The following APBA2 variants were observed in gnomAD, a reference collection of about 807,000 sequenced individuals.
APBA2 encodes the protein amyloid-beta A4 precursor protein-binding family A member 2.
In APBA2, 30 loss-of-function variants were observed where a neutral mutation model predicts 75.0. The ratio of observed to expected loss-of-function variants is 0.40; its 90% CI spans 0.30 to 0.54. APBA2 has a LOEUF of 0.54. Ranked by LOEUF, APBA2 falls within the 20% of genes least tolerant of loss-of-function variation. APBA2 has a pLI of 0.49. For synonymous variants in APBA2, 444 were observed against 409.6 expected (o/e 1.08, Z -1.01); for missense variants, 801 against 1,016.1 (o/e 0.79, Z 2.88).
At chr15:28,987,729 G>GATATATAT (rs146348050) in intron 2 of APBA2, among the ~76,000 whole-genome samples, 6 of 106,242 alleles carry the variant, frequency 5.6e-5, no homozygotes, top group East Asian at 4.0e-4. Context: ...TGTGGAGAGA[G>GATATATAT]ATATATATAT....
In APBA2 at chr15:28,918,496, A is replaced by T. The variant is rs530367629; in HGVS notation, c.-204-3144A>T. On this transcript the variant is annotated intron_variant, in intron 1 of 14. Transcript: ENST00000683413. This position sits in a 1 kb window ranked among gnomAD's most constrained non-coding sequence, Gnocchi z 4.2. ...TGAAGCAGATGGCTTCCCCCACTGC[A>T]AGGAGGAATCCCGGTGCTCTTCTCC... Among the ~76,000 whole-genome samples the T allele has an allele frequency of 6.6e-6, 1 of 152,304 alleles. No individual in the cohort carries two copies. The highest frequency in any genetic ancestry group is 2.1e-4 in the South Asian group (1 of 4,832).
At chr15:29,017,861 T>G (rs570778945) in intron 3 of APBA2, among the ~76,000 whole-genome samples, 6 of 152,350 alleles carry the variant, frequency 3.9e-5, no homozygotes, top group Non-Finnish European at 7.3e-5. Context: ...TTAAAGGTAT[T>G]AATTTGTTAT....
intron 3 of APBA2, among the ~76,000 whole-genome samples, chr15:29,003,319 C>G (rs2038947703): frequency 6.6e-6 from 1 of 152,144 alleles, no homozygotes; most frequent in Non-Finnish European, 1.5e-5. Context: ...TAAGATGAGT[C>G]AAATCTACCC....
intron 3 of APBA2, among the ~76,000 whole-genome samples, chr15:29,027,907 C>G (rs1295606197): frequency 6.6e-6 from 1 of 151,766 alleles, no homozygotes; most frequent in Non-Finnish European, 1.5e-5. Context: ...CCGGCCTAGT[C>G]TTATATTTTT....
intron 2 of APBA2, among the ~76,000 whole-genome samples, chr15:28,959,590 G>A (rs371182274): frequency 3.9e-5 from 6 of 152,138 alleles, no homozygotes; most frequent in African/African-American, 9.7e-5. Flanking sequence ...ACTTCCAGTC[G>A]CCAGAACTGG....
At chr15:28,922,423 C>T (rs72714168) in intron 2 of APBA2, among the ~76,000 whole-genome samples, 14,584 of 152,218 alleles carry the variant, frequency 0.096, 751 homozygotes, top group African/African-American at 0.13. Context: ...GACATGTTCT[C>T]GAGCTGCCTG....
chr15:28,925,350 C>A (rs1243809961), intron 2 of APBA2, among the ~76,000 whole-genome samples: 3 of 151,984 alleles, frequency 2.0e-5, no homozygotes, highest in Non-Finnish European at 4.4e-5. Context: ...CTTATAATTT[C>A]TTTGGTTTTG....
intron 1 of APBA2, among the ~76,000 whole-genome samples, chr15:28,908,956 C>T (rs140365848): frequency 0.05 from 7,582 of 151,808 alleles, 377 homozygotes; most frequent in East Asian, 0.3. Context: ...TTCCACCTCC[C>T]CCAGCCCCCG....
At chr15:29,007,979 G>A (rs1488720399) in intron 3 of APBA2, among the ~76,000 whole-genome samples, 1 of 152,208 alleles carries the variant, frequency 6.6e-6, no homozygotes, top group Non-Finnish European at 1.5e-5. Context: ...AGCAACCCAG[G>A]AGTCCATTGG....
chr15:29,045,087 C>CTT (rs2041247164), intron 3 of APBA2, among the ~76,000 whole-genome samples: 2 of 142,860 alleles, frequency 1.4e-5, no homozygotes, highest in African/African-American at 5.6e-5. Context: ...CTCTCTCTCT[C>CTT]TCTCTCTCTC....
At chr15:28,931,482 T>G (rs1479100672) in intron 2 of APBA2, among the ~76,000 whole-genome samples, 13 of 152,326 alleles carry the variant, frequency 8.5e-5, no homozygotes, top group Non-Finnish European at 1.8e-4. Context: ...CTTGCGTCCT[T>G]CTCCCCTGTT....
rs2035051358 is a variant in APBA2 at position 28,939,247 on chromosome 15, A to G, written c.-95+17498A>G. ...TGCGGGAATATGCCACATTTTGTTG[A>G]TCTGTTCTTCTGCTGCTGGACACGT... is the stretch of plus-strand genomic sequence containing the variant. On this transcript the variant is annotated intron_variant, in intron 2 of 14. Coordinates refer to ENST00000683413, the MANE Select transcript of APBA2 (RefSeq NM_001353788.2). Among the ~76,000 whole-genome samples the G allele has an allele frequency of 2.6e-5, 4 of 152,124 alleles. No individual in the cohort carries two copies. In the South Asian group the frequency reaches 8.3e-4, roughly 32 times the overall value.
At chr15:28,986,937 T>G (rs2037957949) in intron 2 of APBA2, among the ~76,000 whole-genome samples, 1 of 152,242 alleles carries the variant, frequency 6.6e-6, no homozygotes, top group Admixed American at 6.5e-5. Context: ...ATTTGCTGTC[T>G]GGTGAGGGCT....
At chr15:29,111,254 C>T (rs1418562784) in intron 13 of APBA2, among the ~76,000 whole-genome samples, 3 of 152,066 alleles carry the variant, frequency 2.0e-5, no homozygotes, top group East Asian at 1.9e-4. Flanking sequence ...CGACTGGGGA[C>T]GAGGAGGGTC....
At chr15:28,949,190 C>G (rs2035716456) in intron 2 of APBA2, among the ~76,000 whole-genome samples, 1 of 152,068 alleles carries the variant, frequency 6.6e-6, no homozygotes, top group African/African-American at 2.4e-5. Context: ...GTGATACAGA[C>G]TGCTGTGCCA....
intron 2 of APBA2, among the ~76,000 whole-genome samples, chr15:28,967,690 G>A (rs1410696727): frequency 3.3e-5 from 5 of 152,154 alleles, no homozygotes; most frequent in South Asian, 2.1e-4. Flanking sequence ...CACCCGCCTC[G>A]GCCTCCCAAA....
chr15:28,915,021 A>G (rs1311766943), intron 1 of APBA2, among the ~76,000 whole-genome samples: 12 of 148,854 alleles, frequency 8.1e-5, no homozygotes, highest in African/African-American at 3.0e-4. Context: ...CACACACCAC[A>G]CACACCACAC....
chr15:29,114,640 GGTGT>G (rs1192223973), intron 14 of APBA2, among the ~76,000 whole-genome samples: 1 of 150,976 alleles, frequency 6.6e-6, no homozygotes, highest in African/African-American at 2.4e-5. Context: ...TGAGAGCATG[GGTGT>G]GTGTGGGATG....
chr15:29,086,226 A>AGTGGATGCTCCCCTC (rs1285775494), intron 6 of APBA2, among the ~76,000 whole-genome samples: 1 of 152,192 alleles, frequency 6.6e-6, no homozygotes, highest in Non-Finnish European at 1.5e-5. Context: ...AGAACTTGGA[A>AGTGGATGCTCCCCTC]GTGGATGCTC....
Sources: allele counts gnomAD v4.1 joint callset (sites outside exome capture counted in the v4.1 genomes callset), GRCh38; gene constraint gnomAD v4.1.1; non-coding constraint Gnocchi (gnomAD v3.1); transcripts MANE v1.5; gene names NCBI Gene and HGNC (gene_info 2026-07-23, HGNC 2026-07-21).